Variants in NSMCE2 observed in about 807,000 individuals in gnomAD.
NSMCE2 encodes E3 SUMO-protein ligase NSE2.
Under a neutral mutation model 23.8 loss-of-function variants are expected in NSMCE2, and 24 were observed. That is an observed-to-expected ratio of 1.01 (90% CI 0.73 to 1.42). The LOEUF (loss-of-function observed/expected upper bound fraction) is 1.42. NSMCE2 is among the 40% of genes most tolerant of loss of function. NSMCE2 has a pLI of 0.00. For synonymous variants in NSMCE2, 92 were observed against 94.1 expected, an observed-to-expected ratio of 0.98 and a Z score of 0.13; for missense variants, 284 against 296.5, an observed-to-expected ratio of 0.96 and a Z score of 0.31.
intron 5 of NSMCE2, among the ~76,000 whole-genome samples, chr8:125,221,122 A>G (rs1824839857): frequency 6.6e-6 from 1 of 152,212 alleles, no homozygotes; most frequent in Admixed American, 6.5e-5. Context: ...AGTTTTTCAT[A>G]TGGCTTGAAA....
intron 4 of NSMCE2, among the ~76,000 whole-genome samples, chr8:125,169,291 A>G (rs556771116): frequency 4.6e-5 from 7 of 152,160 alleles, no homozygotes; most frequent in Middle Eastern, 3.2e-3. Context: ...TATGCTCATA[A>G]CTTGAATTGC....
chr8:125,174,687 C>T (rs115211560), intron 4 of NSMCE2, among the ~76,000 whole-genome samples: 246 of 152,220 alleles, frequency 1.6e-3, no homozygotes, highest in African/African-American at 5.5e-3. Context: ...ACAATTTTTC[C>T]GAAAGGCTCG....
chr8:125,131,649 A>G (rs1586482188), intron 3 of NSMCE2, among the ~76,000 whole-genome samples: 2 of 152,134 alleles, frequency 1.3e-5, no homozygotes, highest in East Asian at 3.9e-4. Flanking sequence ...GAGAGGAGAG[A>G]TTATGTCTCT....
chr8:125,249,964 T>C (rs1344935292), intron 5 of NSMCE2, among the ~76,000 whole-genome samples: 1 of 152,116 alleles, frequency 6.6e-6, no homozygotes, highest in African/African-American at 2.4e-5. Flanking sequence ...TGGGAAACAG[T>C]ATTTTATTAT....
rs1402039390 is a variant in NSMCE2 at position 125,356,245 on chromosome 8, T to C, written c.419-974T>C. On this transcript the variant is annotated intron_variant, in intron 5 of 7. Transcript: ENST00000287437. Reference sequence around the variant, plus strand: ...GTATGTCTGTGTGTATGGGGGGGGGTGTTCTGGAAATATAATTTTAACTTT... The same window carrying C: ...GTATGTCTGTGTGTATGGGGGGGGGCGTTCTGGAAATATAATTTTAACTTT... Among the ~76,000 whole-genome samples the C allele has an allele frequency of 3.5e-5, 5 of 144,772 alleles. No individual in the cohort carries two copies. In the East Asian group the frequency reaches 1.0e-3, roughly 29 times the overall value. 95.0% of individuals were successfully genotyped at this position (144,772 alleles called of 152,430 possible). A position where few individuals can be genotyped will look rare whatever the true frequency, so the allele number is the denominator to read the frequency against.
rs1323966868 is a variant in NSMCE2, at chr8:125,182,193, G to C, written c.355G>C (p.Asp119His). 1 of 1,607,192 alleles carries C rather than the reference G, an allele frequency of 6.2e-7. No homozygotes were observed. Among genetic ancestry groups the C allele is most frequent in the South Asian group, 1.1e-5 (1 of 89,752 alleles). Residue 119 changes from aspartate to histidine, a missense_variant, in exon 5 of 8, where the codon GAC (aspartate) becomes CAC (histidine). Asp to His is a moderately conservative substitution (Grantham distance 81). Around this residue, in one of 2 missense-constraint regions of NSMCE2, gnomAD observed 182 missense variants for 155.5 expected, o/e 1.17. Transcript: ENST00000287437. Reference protein sequence around the residue: ...LALQSKNSDADFQNNEKFVQF... With the variant: ...LALQSKNSDAHFQNNEKFVQF... ...TTTACAGAGCAAGAATTCTGATGCA[G>C]ACTTTCAAAATAATGAAAAATTTGT...
intron 3 of NSMCE2, among the ~76,000 whole-genome samples, chr8:125,104,435 T>C (rs918241305): frequency 3.3e-5 from 5 of 152,210 alleles, no homozygotes; most frequent in Non-Finnish European, 5.9e-5. Context: ...TTAGCCTTGT[T>C]ACAAAGCATG....
intron 5 of NSMCE2, among the ~76,000 whole-genome samples, chr8:125,318,930 A>C (rs1829316324): frequency 6.6e-6 from 1 of 152,198 alleles, no homozygotes; most frequent in Non-Finnish European, 1.5e-5. Context: ...AGAGAGATGC[A>C]CAAAGAGAGA....
At chr8:125,183,113 A>G (rs1822906709) in intron 5 of NSMCE2, among the ~76,000 whole-genome samples, 1 of 152,190 alleles carries the variant, frequency 6.6e-6, no homozygotes, top group South Asian at 2.1e-4. Context: ...ACCTTCATTT[A>G]CACACACATG....
In NSMCE2 at chr8:125,114,563, G is replaced by A. The variant is rs560223516; in HGVS notation, c.157+12076G>A. Among the ~76,000 whole-genome samples the A allele has an allele frequency of 2.6e-5, 4 of 152,222 alleles. No individual in the cohort carries two copies. The South Asian group carries it at 8.3e-4, about 32-fold the overall frequency. ...AGCAGTGGGTGATTTTGCCCTCCAG[G>A]GTTCCTTTGGCAGTGTCTGGAGACA... is the stretch of plus-strand genomic sequence containing the variant. On this transcript the variant is annotated intron_variant, in intron 3 of 7. Coordinates refer to ENST00000287437, the MANE Select transcript of NSMCE2 (RefSeq NM_173685.4).
At chr8:125,301,942 C>A (rs1828582776) in intron 5 of NSMCE2, among the ~76,000 whole-genome samples, 1 of 151,966 alleles carries the variant, frequency 6.6e-6, no homozygotes, top group African/African-American at 2.4e-5. Context: ...GAATTACAGG[C>A]ATGAGCCACC....
At chr8:125,243,204 G>A (rs572529152) in intron 5 of NSMCE2, among the ~76,000 whole-genome samples, 2 of 152,312 alleles carry the variant, frequency 1.3e-5, no homozygotes, top group South Asian at 2.1e-4. Flanking sequence ...TTCAATAATA[G>A]TGGACGTATA....
chr8:125,168,901 G>A (rs565986168), intron 4 of NSMCE2, among the ~76,000 whole-genome samples: 1 of 152,258 alleles, frequency 6.6e-6, no homozygotes, highest in South Asian at 2.1e-4. Context: ...CACTGTTTGA[G>A]GTGCTTTATA....
At chr8:125,359,689 C>T (rs915369840) in intron 7 of NSMCE2, among the ~76,000 whole-genome samples, 1 of 152,158 alleles carries the variant, frequency 6.6e-6, no homozygotes, top group African/African-American at 2.4e-5. Context: ...GTTGTAATCA[C>T]CTCATTGGCA....
intron 5 of NSMCE2, among the ~76,000 whole-genome samples, chr8:125,256,339 C>G (rs1185809316): frequency 1.3e-5 from 2 of 151,560 alleles, no homozygotes; most frequent in African/African-American, 4.9e-5. Context: ...GAAAGAGGAC[C>G]CTCAGATTTC....
chr8:125,123,882 T>C (rs1819384694), intron 3 of NSMCE2, among the ~76,000 whole-genome samples: 1 of 152,256 alleles, frequency 6.6e-6, no homozygotes, highest in Non-Finnish European at 1.5e-5. Flanking sequence ...TATTCTTTTA[T>C]TTGGTGACAA....
At position 125,206,931 on chromosome 8, in the gene NSMCE2, T is replaced by C. The variant is rs1824140300; in HGVS notation, c.418+24675T>C. ...GCAGAGCCAGCAAGGAGTGCTGCAG[T>C]GAGGGGAGAAGGACCAAGGGGCTTA... On this transcript the variant is annotated intron_variant, in intron 5 of 7. Transcript: ENST00000287437. Among the ~76,000 whole-genome samples the C allele has an allele frequency of 2.0e-5, 3 of 152,072 alleles. No homozygotes were observed. The South Asian group carries it at 6.2e-4, about 32-fold the overall frequency.
At chr8:125,131,496 C>T (rs1322399029) in intron 3 of NSMCE2, among the ~76,000 whole-genome samples, 1 of 151,972 alleles carries the variant, frequency 6.6e-6, no homozygotes, top group African/African-American at 2.4e-5. Context: ...AATATAAGGC[C>T]AAGAATTGAG....
At chr8:125,275,062 A>T (rs1050767983) in intron 5 of NSMCE2, among the ~76,000 whole-genome samples, 8 of 151,316 alleles carry the variant, frequency 5.3e-5, no homozygotes, top group Admixed American at 2.6e-4. Flanking sequence ...AGGTGGCTTC[A>T]GCACCTGACT....
Sources: gnomAD v4.1 joint callset for allele counts (sites outside exome capture counted in the v4.1 genomes callset) on GRCh38, gnomAD v4.1.1 for gene constraint, gnomAD v4.1.1 regional missense constraint, MANE v1.5 for transcripts, NCBI Gene and HGNC (gene_info 2026-07-23, HGNC 2026-07-21) for gene names.